SLC37A3: variants seen among roughly 807,000 people sequenced by gnomAD.
SLC37A3 encodes solute carrier family 37 member 3, also known as sugar phosphate exchanger 3.
A neutral mutation model predicts 67.1 loss-of-function variants in SLC37A3; 51 were observed. The observed-to-expected ratio is 0.76, with a 90% CI of 0.61 to 0.96. SLC37A3 has a LOEUF of 0.96. SLC37A3 is among the 40% of genes least tolerant of loss of function. The pLI is 0.00. For missense variants in SLC37A3, 508 were observed against 603.0 expected, an observed-to-expected ratio of 0.84 and a Z score of 1.65; for synonymous variants, 214 against 231.4, an observed-to-expected ratio of 0.92 and a Z score of 0.68.
intron 7 of SLC37A3, 97 bp downstream of exon 7, chr7:140,355,571 T>C (rs1388933848): frequency 2.9e-5 from 33 of 1,128,218 alleles, no homozygotes; most frequent in South Asian, 4.1e-5. Flanking sequence ...TTCTACATAG[T>C]TTTAAATGGC....
chr7:140,384,303 G>A (rs999792674), intron 1 of SLC37A3, among the ~76,000 whole-genome samples: 7 of 151,996 alleles, frequency 4.6e-5, no homozygotes. Context: ...GTTCTCTCCG[G>A]GTAGTGAAAT....
At chr7:140,348,271 T>G (rs1796647693) in intron 10 of SLC37A3, among the ~76,000 whole-genome samples, 1 of 152,074 alleles carries the variant, frequency 6.6e-6, no homozygotes, top group Non-Finnish European at 1.5e-5. Flanking sequence ...ACAATTAGCT[T>G]TAGAGCTAAG....
In SLC37A3 at chr7:140,345,947, A is replaced by C. The variant is rs1354669821; in HGVS notation, c.1048T>G (p.Ser350Ala). The C allele has an allele frequency of 6.2e-7, 1 of 1,613,892 alleles. No individual in the cohort carries two copies. Among genetic ancestry groups the C allele is most frequent in the South Asian group, 1.1e-5 (1 of 91,078 alleles). ...IIGGTLQGFI[S>A]DVLQKRAPVL... ...GGCGCTCTCTTCTGTAGTACATCAG[A>C]GATGAAGCCTTGCAAAGTTCCACCT... The change falls in exon 11 of 15, where the codon TCT (serine) becomes GCT (alanine). Residue 350 changes from serine (S) to alanine (A), a missense_variant. Ser to Ala is a moderately conservative substitution (Grantham distance 99). Transcript: ENST00000326232.
intron 13 of SLC37A3, among the ~76,000 whole-genome samples, chr7:140,340,997 G>A (rs1185197161): frequency 6.6e-6 from 1 of 151,666 alleles, no homozygotes; most frequent in African/African-American, 2.4e-5. Context: ...CTGGAGTGGT[G>A]TGATCATGGC....
At chr7:140,393,333 C>T (rs1366711795) in intron 1 of SLC37A3, among the ~76,000 whole-genome samples, 2 of 152,218 alleles carry the variant, frequency 1.3e-5, no homozygotes, top group African/African-American at 2.4e-5. Flanking sequence ...GAGCTGAACA[C>T]GTGCGCCGTC....
intron 1 of SLC37A3, among the ~76,000 whole-genome samples, chr7:140,387,457 T>C (rs2129887035): frequency 6.7e-6 from 1 of 150,154 alleles, no homozygotes; most frequent in East Asian, 1.9e-4. Context: ...CTACTAAAAA[T>C]ACAAAAAATT....
chr7:140,398,528 T>A lies in SLC37A3; in HGVS notation c.-183A>T, dbSNP rs1420067009. On this transcript the variant is annotated 5_prime_UTR_variant, in exon 1 of 15. Transcript: ENST00000326232. ...CTCACCCCTGGCGGTGCGACCAGGG[T>A]TTCCGGACGCCCACGTGACCCTCCC... 1 of 151,900 alleles carries A rather than the reference T, an allele frequency of 6.6e-6. No homozygotes were observed. Among genetic ancestry groups the A allele is most frequent in the East Asian group, 1.9e-4 (1 of 5,152 alleles). 9.4% of individuals were successfully genotyped at this position (151,900 alleles called of 1,614,324 possible).
chr7:140,386,417 C>T (rs921124612), intron 1 of SLC37A3, among the ~76,000 whole-genome samples: 7 of 150,298 alleles, frequency 4.7e-5, no homozygotes, highest in African/African-American at 1.7e-4. Context: ...ACATTTAAGA[C>T]GAATACTACG....
chr7:140,389,543 T>C (rs1798643615), intron 1 of SLC37A3, among the ~76,000 whole-genome samples: 1 of 152,120 alleles, frequency 6.6e-6, no homozygotes, highest in Admixed American at 6.6e-5. Context: ...ATTTGAGTAA[T>C]AATAAAACTC....
intron 6 of SLC37A3, among the ~76,000 whole-genome samples, chr7:140,357,365 C>A (rs1797072290): frequency 6.6e-6 from 1 of 152,132 alleles, no homozygotes; most frequent in Non-Finnish European, 1.5e-5. Context: ...CCGCCCAAAA[C>A]TGAAAACAAC....
intron 5 of SLC37A3, among the ~76,000 whole-genome samples, chr7:140,360,994 A>G (rs1219127465): frequency 6.6e-6 from 1 of 152,088 alleles, no homozygotes; most frequent in Non-Finnish European, 1.5e-5. Context: ...AACCAGAAAT[A>G]ACCAAGCTAA....
chr7:140,337,494 A>C, intron 13 of SLC37A3, 145 bp from the exon 14 acceptor site: 1 of 589,950 alleles, frequency 1.7e-6, no homozygotes, highest in Non-Finnish European at 2.8e-6. Flanking sequence ...GCTCTTCCAC[A>C]TACATGTGCC....
chr7:140,346,216 A>T (rs1796553252), intron 10 of SLC37A3, among the ~76,000 whole-genome samples: 1 of 152,064 alleles, frequency 6.6e-6, no homozygotes, highest in Non-Finnish European at 1.5e-5. Flanking sequence ...TGTCTCTACT[A>T]AAAATACAAA....
In SLC37A3 at chr7:140,364,443, C is replaced by T. The variant is rs1211393376; in HGVS notation, c.340G>A (p.Val114Ile). The change falls in exon 5 of 15, where the codon GTT becomes ATT. Residue 114 changes from valine to isoleucine, a missense_variant. Transcript: ENST00000326232. ...GAAGAGCACATGCCAAAAGACAGAA[C>T]CCATCGCAAATTCAACCGATCCCCA... ...IVGDRLNLRW[V>I]LSFGMCSSAL... 1 of 1,613,950 alleles carries T rather than the reference C, an allele frequency of 6.2e-7. No homozygotes were observed. The highest frequency in any genetic ancestry group is 1.1e-5 in the South Asian group (1 of 91,068).
At chr7:140,374,544 C>T (rs555003709) in intron 3 of SLC37A3, among the ~76,000 whole-genome samples, 102 of 151,106 alleles carry the variant, frequency 6.8e-4, no homozygotes, top group Non-Finnish European at 1.1e-3. Flanking sequence ...TTAAAGAGGC[C>T]GGGTGCGGTA....
At position 140,333,809 on chromosome 7, in the gene SLC37A3, C is replaced by T. The variant is rs1796032816; in HGVS notation, c.*1603G>A. 6.6e-6 allele frequency: 1 copy of T among 152,530 alleles called. No homozygotes were observed. The highest frequency in any genetic ancestry group is 2.4e-5 in the African/African-American group (1 of 41,400). 9.4% of individuals were successfully genotyped at this position (152,530 alleles called of 1,614,324 possible). On this transcript the variant is annotated 3_prime_UTR_variant, in exon 15 of 15. Transcript: ENST00000326232. ...TGTGTTTCGTATTTTCCCTTTTTGT[C>T]AGTAAATGAGCAATACACTGATTGG...
At chr7:140,340,296 T>C (rs981485343) in intron 13 of SLC37A3, among the ~76,000 whole-genome samples, 1 of 151,618 alleles carries the variant, frequency 6.6e-6, no homozygotes, top group African/African-American at 2.4e-5. Flanking sequence ...CCTCATTCTT[T>C]TTTTTTTTTT....
chr7:140,354,391 C>T (rs1796936537), intron 7 of SLC37A3, among the ~76,000 whole-genome samples: 1 of 151,256 alleles, frequency 6.6e-6, no homozygotes, highest in Admixed American at 6.6e-5. Context: ...TGTTTTCAAA[C>T]TTTTGGATTT....
At chr7:140,347,316 G>A (rs1229646751) in intron 10 of SLC37A3, among the ~76,000 whole-genome samples, 5 of 151,302 alleles carry the variant, frequency 3.3e-5, no homozygotes, top group Admixed American at 1.3e-4. Context: ...AGCAGTTATG[G>A]TTTGCTAATA....
Sources: allele counts gnomAD v4.1 joint callset (sites outside exome capture counted in the v4.1 genomes callset), GRCh38; gene constraint gnomAD v4.1.1; transcripts MANE v1.5; gene names NCBI Gene and HGNC (gene_info 2026-07-23, HGNC 2026-07-21).